Variants in RBFOX1 observed in about 807,000 individuals in gnomAD.
RBFOX1 encodes the protein RNA binding fox-1 homolog 1.
RBFOX1 carries 8 observed loss-of-function variants against 57.7 expected under a neutral mutation model. The observed-to-expected ratio is 0.14, with a 90% CI of 0.08 to 0.25. The LOEUF is 0.25. Among genes scored for constraint, RBFOX1 ranks in the 10% least tolerant of loss-of-function variants. The pLI is 1.00. For synonymous variants in RBFOX1, 326 were observed against 222.4 expected (o/e 1.47, Z -4.15); for missense variants, 611 against 548.5 (o/e 1.11, Z -1.14).
chr16:5,923,790 C>G (rs1207485906), intron 4 of RBFOX1, among the ~76,000 whole-genome samples: 2 of 152,038 alleles, frequency 1.3e-5, no homozygotes, highest in Admixed American at 1.3e-4. Context: ...ATGTGCCTAC[C>G]TCAGCCTCCC....
chr16:5,666,040 A>G (rs1196361695), intron 3 of RBFOX1, among the ~76,000 whole-genome samples: 1 of 152,236 alleles, frequency 6.6e-6, no homozygotes, highest in Non-Finnish European at 1.5e-5. Context: ...CTACAAGAGA[A>G]ATCTTTCAGA....
At chr16:6,767,527 C>T (rs1036155996) in intron 3 of RBFOX1, among the ~76,000 whole-genome samples, 1 of 152,006 alleles carries the variant, frequency 6.6e-6, no homozygotes, top group African/African-American at 2.4e-5. Context: ...AATTTAAAAC[C>T]TCACCCCCAA....
chr16:6,814,041 A>AAACG (rs71145300), intron 3 of RBFOX1, among the ~76,000 whole-genome samples: 1 of 150,136 alleles, frequency 6.7e-6, no homozygotes, highest in Non-Finnish European at 1.5e-5. Context: ...AGATTCAAAC[A>AAACG]TAACAACTTG....
At chr16:5,460,288 T>C (rs2151592457) in intron 1 of RBFOX1, among the ~76,000 whole-genome samples, 1 of 152,328 alleles carries the variant, frequency 6.6e-6, no homozygotes, top group Admixed American at 6.5e-5. Flanking sequence ...GTTTTCATGA[T>C]TGTTGAAGCA....
intron 3 of RBFOX1, among the ~76,000 whole-genome samples, chr16:6,770,929 T>C (rs1412331806): frequency 6.6e-6 from 1 of 152,156 alleles, no homozygotes; most frequent in Admixed American, 6.5e-5. Flanking sequence ...TACCTCTTAT[T>C]TGGAGGCCGA....
rs548109671 is a variant in RBFOX1, at chr16:7,473,095, C to T, written c.28-45052C>T. On this transcript the variant is annotated intron_variant, in intron 4 of 15. Transcript: ENST00000550418. Reference sequence around the variant, plus strand: ...GAATAGCATTAGATTAAAAGGATCTCCGCTAGGTGCAGTGGCTCATGCCTG... The same window carrying T: ...GAATAGCATTAGATTAAAAGGATCTTCGCTAGGTGCAGTGGCTCATGCCTG... Among the ~76,000 whole-genome samples the T allele has an allele frequency of 2.0e-5, 3 of 152,248 alleles. No individual in the cohort carries two copies. In the South Asian group the frequency reaches 6.2e-4, roughly 32 times the overall value.
chr16:6,588,816 A>C (rs1160475316), intron 2 of RBFOX1, among the ~76,000 whole-genome samples: 2 of 152,172 alleles, frequency 1.3e-5, no homozygotes, highest in Non-Finnish European at 2.9e-5. Context: ...CTTTGTGGAG[A>C]GTGCTCCCCA....
intron 3 of RBFOX1, among the ~76,000 whole-genome samples, chr16:6,941,733 C>T (rs761487097): frequency 2.0e-5 from 3 of 152,158 alleles, no homozygotes; most frequent in Non-Finnish European, 4.4e-5. Context: ...GATTTGGCTT[C>T]TGAGAATGTG....
At chr16:7,327,011 T>C (rs2096620235) in intron 4 of RBFOX1, among the ~76,000 whole-genome samples, 1 of 152,192 alleles carries the variant, frequency 6.6e-6, no homozygotes, top group Non-Finnish European at 1.5e-5. Context: ...CCAATCTGCC[T>C]TCTCAAAAGT....
Position 6,047,889 on chromosome 16 carries a change from C to T in RBFOX1, c.-127+27897C>T, listed in dbSNP as rs542883287. ...TTAGAGAGATAAAGTGATTTTCTTA[C>T]GGTTTCACAGACCGTAAAGCTTGGA... On this transcript the variant is annotated intron_variant, in intron 1 of 15. Coordinates refer to ENST00000550418, the MANE Select transcript of RBFOX1 (RefSeq NM_018723.4). 7.9e-5 allele frequency among the ~76,000 whole-genome samples: 12 copies of T among 152,220 alleles called. No homozygotes were observed. The South Asian group carries it at 8.3e-4, about 11-fold the overall frequency.
chr16:6,915,867 A>G (rs757365509), intron 3 of RBFOX1, among the ~76,000 whole-genome samples: 22 of 151,992 alleles, frequency 1.4e-4, no homozygotes, highest in Non-Finnish European at 2.5e-4. Context: ...TCCTTTTTAT[A>G]GTTGAATAAT....
chr16:7,188,178 G>A (rs1467966634), intron 4 of RBFOX1, among the ~76,000 whole-genome samples: 2 of 152,188 alleles, frequency 1.3e-5, no homozygotes, highest in South Asian at 2.1e-4. Context: ...AAAACCAGAG[G>A]TATAAATACG....
intron 1 of RBFOX1, among the ~76,000 whole-genome samples, chr16:5,361,263 C>T (rs529312488): frequency 1.3e-5 from 2 of 151,802 alleles, no homozygotes; most frequent in East Asian, 3.9e-4. Context: ...AAAGGAGGAG[C>T]TGTAAACATG....
chr16:7,567,420 C>G lies in RBFOX1; in HGVS notation c.271-12357C>G, dbSNP rs796782905. Among the ~76,000 whole-genome samples the G allele has an allele frequency of 4.0e-3, 282 of 69,798 alleles. 3 individuals carry two copies. Among genetic ancestry groups the G allele is most frequent in the Middle Eastern group, 0.016 (1 of 62 alleles). The allele number at this position is 69,798 out of a possible 152,430, so 45.8% of individuals were successfully genotyped here. ...ATATATATATCCCTATATATATATC[C>G]CTATGTATGGCCCTATATATATATA... On this transcript the variant is annotated intron_variant, in intron 5 of 15. Coordinates refer to ENST00000550418, the MANE Select transcript of RBFOX1 (RefSeq NM_018723.4).
intron 4 of RBFOX1, among the ~76,000 whole-genome samples, chr16:7,214,882 T>G (rs1372956745): frequency 6.6e-6 from 1 of 152,100 alleles, no homozygotes; most frequent in Admixed American, 6.6e-5. Context: ...TGAAAGAGTT[T>G]TGTTTATTCT....
intron 2 of RBFOX1, among the ~76,000 whole-genome samples, chr16:6,644,101 G>C (rs1298635605): frequency 6.6e-6 from 1 of 152,132 alleles, no homozygotes; most frequent in Non-Finnish European, 1.5e-5. Flanking sequence ...ACTCCAACCT[G>C]GGCAACAGAG....
At chr16:7,685,181 C>T (rs934353692) in intron 14 of RBFOX1, among the ~76,000 whole-genome samples, 2 of 152,080 alleles carry the variant, frequency 1.3e-5, no homozygotes, top group Admixed American at 6.6e-5. Context: ...AGAGAACAAG[C>T]TTCTGTTCTA....
In RBFOX1 at chr16:6,526,214, A is replaced by G. The variant is rs28496559; in HGVS notation, c.-63-128389A>G. On this transcript the variant is annotated intron_variant, in intron 2 of 15. Coordinates refer to ENST00000550418, the MANE Select transcript of RBFOX1 (RefSeq NM_018723.4). ...ATGAATTAATTCGAGTGTTTAAAAAAGAGGGGGCTCACCCCAATGTTTCTG... is the reference window on the plus strand; with the variant it reads ...ATGAATTAATTCGAGTGTTTAAAAAGGAGGGGGCTCACCCCAATGTTTCTG... Among the ~76,000 whole-genome samples the G allele has an allele frequency of 3.0e-3, 464 of 152,358 alleles. 2 individuals carry two copies. Among genetic ancestry groups the G allele is most frequent in the African/African-American group, 0.011 (450 of 41,590 alleles).
At chr16:5,633,573 C>T (rs1196190642) in intron 3 of RBFOX1, among the ~76,000 whole-genome samples, 1 of 152,018 alleles carries the variant, frequency 6.6e-6, no homozygotes, top group East Asian at 1.9e-4. Flanking sequence ...GAAATAATCC[C>T]ATCAAAAAGT....
Sources: gnomAD v4.1 joint callset for allele counts (sites outside exome capture counted in the v4.1 genomes callset) on GRCh38, gnomAD v4.1.1 for gene constraint, MANE v1.5 for transcripts, NCBI Gene and HGNC (gene_info 2026-07-23, HGNC 2026-07-21) for gene names.